LMX1A: variants seen among roughly 807,000 people sequenced by gnomAD.
The protein encoded by LMX1A is LIM homeobox transcription factor 1-alpha.
In LMX1A, 15 loss-of-function variants were observed where a neutral mutation model predicts 49.1. The ratio of observed to expected loss-of-function variants is 0.31; its 90% CI spans 0.20 to 0.47. LMX1A has a LOEUF of 0.47. LMX1A is among the 20% of genes least tolerant of loss of function. The probability of loss-of-function intolerance (pLI) is 1.00; values close to 1 mark genes in which losing one functional copy is unlikely to be tolerated. For synonymous variants in LMX1A, 167 were observed against 185.7 expected (o/e 0.90, Z 0.82); for missense variants, 372 against 475.8 (o/e 0.78, Z 2.03).
At chr1:165,345,506 C>G (rs1203866622) in intron 3 of LMX1A, among the ~76,000 whole-genome samples, 5 of 152,100 alleles carry the variant, frequency 3.3e-5, no homozygotes, top group Non-Finnish European at 4.4e-5. Flanking sequence ...GACTCAGGCA[C>G]TTGGCACTTC....
At chr1:165,230,096 C>T (rs1488565207) in intron 4 of LMX1A, among the ~76,000 whole-genome samples, 1 of 152,140 alleles carries the variant, frequency 6.6e-6, no homozygotes, top group Non-Finnish European at 1.5e-5. Flanking sequence ...AAGGAAAAAT[C>T]AGCAATCTGA....
At chr1:165,216,598 C>T (rs1441467196) in intron 4 of LMX1A, among the ~76,000 whole-genome samples, 1 of 152,144 alleles carries the variant, frequency 6.6e-6, no homozygotes, top group Non-Finnish European at 1.5e-5. Context: ...TTTTAAAATG[C>T]AGTTGTATTA....
chr1:165,249,787 T>C, intron 3 of LMX1A, 147 bp from the exon 4 acceptor site: 2 of 650,844 alleles, frequency 3.1e-6, no homozygotes, highest in African/African-American at 1.8e-5. Flanking sequence ...GGTTATTTAT[T>C]CCCTAAGGAG....
chr1:165,291,824 G>C (rs1350437779), intron 3 of LMX1A, among the ~76,000 whole-genome samples: 1 of 152,160 alleles, frequency 6.6e-6, no homozygotes, highest in Admixed American at 6.5e-5. Context: ...AGCACTTTGG[G>C]AGGCCGAGAC....
chr1:165,333,035 C>A (rs533390212), intron 3 of LMX1A, among the ~76,000 whole-genome samples: 2 of 152,310 alleles, frequency 1.3e-5, no homozygotes, highest in South Asian at 2.1e-4. Flanking sequence ...CATCACTTAG[C>A]CTCTTGGAGC....
At chr1:165,208,632 G>A (rs566422360) in intron 6 of LMX1A, among the ~76,000 whole-genome samples, 1 of 152,252 alleles carries the variant, frequency 6.6e-6, no homozygotes, top group East Asian at 1.9e-4. Flanking sequence ...TTCCCTGAAG[G>A]AATAGTTTTT....
At chr1:165,268,173 C>G (rs1653685290) in intron 3 of LMX1A, among the ~76,000 whole-genome samples, 1 of 152,090 alleles carries the variant, frequency 6.6e-6, no homozygotes, top group South Asian at 2.1e-4. Context: ...CTCCTAGATG[C>G]TCTAGGCAGA....
intron 3 of LMX1A, among the ~76,000 whole-genome samples, chr1:165,345,817 G>C (rs1306827759): frequency 6.6e-6 from 1 of 152,114 alleles, no homozygotes; most frequent in Non-Finnish European, 1.5e-5. Flanking sequence ...TCGCTTTGAG[G>C]CCAATAGTTC....
At chr1:165,353,478 A>C (rs1349774555) in intron 2 of LMX1A, among the ~76,000 whole-genome samples, 2 of 152,194 alleles carry the variant, frequency 1.3e-5, no homozygotes, top group East Asian at 3.8e-4. Flanking sequence ...GTTTAATTCC[A>C]AGCGGGGGAG....
At chr1:165,256,492 C>T (rs1227190999) in intron 3 of LMX1A, among the ~76,000 whole-genome samples, 1 of 152,168 alleles carries the variant, frequency 6.6e-6, no homozygotes, top group Non-Finnish European at 1.5e-5. Flanking sequence ...AAATTCAGGT[C>T]TCCAGATAGT....
chr1:165,350,173 C>CAAAAAAAAAA (rs60150264), intron 3 of LMX1A, among the ~76,000 whole-genome samples: 7 of 80,232 alleles, frequency 8.7e-5, no homozygotes, highest in African/African-American at 1.7e-4. Flanking sequence ...AAAGATCCAC[C>CAAAAAAAAAA]AAAAAAAAAA....
At chr1:165,290,990 T>A (rs938332932) in intron 3 of LMX1A, among the ~76,000 whole-genome samples, 5 of 152,228 alleles carry the variant, frequency 3.3e-5, no homozygotes, top group East Asian at 1.9e-4. Flanking sequence ...CTAAATTATA[T>A]CCAGCTTTGG....
At chr1:165,283,592 C>T (rs561508253) in intron 3 of LMX1A, among the ~76,000 whole-genome samples, 206 of 152,272 alleles carry the variant, frequency 1.4e-3, no homozygotes, top group African/African-American at 4.8e-3. Context: ...CTTGACCACA[C>T]ATCTTAATGT....
At chr1:165,268,162 A>T (rs1653684928) in intron 3 of LMX1A, among the ~76,000 whole-genome samples, 1 of 151,918 alleles carries the variant, frequency 6.6e-6, no homozygotes, top group African/African-American at 2.4e-5. Context: ...GCAAGTAAAG[A>T]CTCCTAGATG....
intron 3 of LMX1A, among the ~76,000 whole-genome samples, chr1:165,286,894 T>G (rs1158605556): frequency 6.6e-6 from 1 of 152,106 alleles, no homozygotes; most frequent in Non-Finnish European, 1.5e-5. Flanking sequence ...ACCCTATAAG[T>G]GAAGTTTGGT....
In LMX1A at chr1:165,202,598, T is replaced by C. The variant is rs1156616202; in HGVS notation, c.*1282A>G. 2 of 151,422 alleles carry C rather than the reference T, an allele frequency of 1.3e-5. No homozygotes were observed. Among genetic ancestry groups the C allele is most frequent in the African/African-American group, 4.9e-5 (2 of 41,214 alleles). The allele number at this position is 151,422 out of a possible 1,614,324, so 9.4% of individuals were successfully genotyped here. ...TTTTTTAATGACCTCAAAAAAAAAG[T>C]AAAAACCATTCTTTGCTGGCAAGCC... On this transcript the variant is annotated 3_prime_UTR_variant, in exon 9 of 9. Coordinates refer to ENST00000342310, the MANE Select transcript of LMX1A (RefSeq NM_177398.4).
chr1:165,243,695 T>C (rs533599017), intron 4 of LMX1A, among the ~76,000 whole-genome samples: 7 of 152,358 alleles, frequency 4.6e-5, no homozygotes, highest in African/African-American at 1.7e-4. Context: ...TTCCCGAAAG[T>C]ACGGCCAAGA....
At chr1:165,294,911 C>T (rs1342960649) in intron 3 of LMX1A, among the ~76,000 whole-genome samples, 1 of 152,124 alleles carries the variant, frequency 6.6e-6, no homozygotes, top group African/African-American at 2.4e-5. Flanking sequence ...TTGCAATGAG[C>T]CGAGATCACG....
chr1:165,353,732 C>G (rs898174884), intron 2 of LMX1A, among the ~76,000 whole-genome samples: 1 of 152,142 alleles, frequency 6.6e-6, no homozygotes, highest in Non-Finnish European at 1.5e-5. Flanking sequence ...TGAGGGGGAA[C>G]AAAATTTTCT....
Sources: allele counts gnomAD v4.1 joint callset (sites outside exome capture counted in the v4.1 genomes callset), GRCh38; gene constraint gnomAD v4.1.1; transcripts MANE v1.5; gene names NCBI Gene and HGNC (gene_info 2026-07-23, HGNC 2026-07-21).